Variants in EPHB1 observed in about 807,000 individuals in gnomAD.
EPHB1 encodes the protein EPH receptor B1, also known as ephrin type-B receptor 1.
A neutral mutation model predicts 94.4 loss-of-function variants in EPHB1; 30 were observed. That is an observed-to-expected ratio of 0.32 (90% CI 0.24 to 0.43). The LOEUF is 0.43. EPHB1 is among the 20% of genes least tolerant of loss of function. The pLI, the probability that EPHB1 is intolerant of heterozygous loss-of-function variation, is 1.00. For synonymous variants in EPHB1, 522 were observed against 489.1 expected (o/e 1.07, Z -0.89); for missense variants, 1,055 against 1,308.3 (o/e 0.81, Z 2.99).
At chr3:135,251,262 A>C (rs542753431) in intron 15 of EPHB1, among the ~76,000 whole-genome samples, 1 of 152,224 alleles carries the variant, frequency 6.6e-6, no homozygotes, top group Non-Finnish European at 1.5e-5. Context: ...AGCACTTACC[A>C]GTGGGAAACC....
In EPHB1 at chr3:135,161,849, C is replaced by A. The variant is rs1177825882; in HGVS notation, c.1423-169C>A. Among the ~76,000 whole-genome samples the A allele has an allele frequency of 2.0e-5, 3 of 152,116 alleles. No individual in the cohort carries two copies. The East Asian group carries it at 5.8e-4, about 29-fold the overall frequency. On this transcript the variant is annotated intron_variant, in intron 6 of 15. Transcript: ENST00000398015. ...GACCTGACCCTACATTCCCTTGGCC[C>A]AGATCAGACTTCTTGTCCCCATCCA...
intron 3 of EPHB1, among the ~76,000 whole-genome samples, chr3:135,005,280 G>T (rs1030497965): frequency 6.6e-6 from 1 of 152,198 alleles, no homozygotes; most frequent in African/African-American, 2.4e-5. Context: ...CAGGGGTCAG[G>T]GTCAGGGACC....
chr3:135,045,215 A>G (rs1360179299), intron 3 of EPHB1, among the ~76,000 whole-genome samples: 1 of 152,210 alleles, frequency 6.6e-6, no homozygotes, highest in Non-Finnish European at 1.5e-5. Flanking sequence ...CAGTATTGCA[A>G]TGACACCAAA....
At chr3:134,942,117 G>A (rs1278024003) in intron 2 of EPHB1, among the ~76,000 whole-genome samples, 2 of 152,176 alleles carry the variant, frequency 1.3e-5, no homozygotes, top group East Asian at 3.9e-4. Flanking sequence ...CACAAAGACA[G>A]GTTAGCCTGG....
At chr3:134,814,744 C>CCCAAGTCCCAGGGT (rs1289567510) in intron 1 of EPHB1, among the ~76,000 whole-genome samples, 5 of 152,202 alleles carry the variant, frequency 3.3e-5, no homozygotes, top group Admixed American at 2.6e-4. Flanking sequence ...CTTGTTGCGT[C>CCCAAGTCCCAGGGT]CCAAGTCCCA....
At position 134,961,859 on chromosome 3, in the gene EPHB1, C is replaced by T. The variant is rs114129117; in HGVS notation, c.805+9807C>T. Among the ~76,000 whole-genome samples the T allele has an allele frequency of 2.1e-3, 317 of 152,264 alleles. 2 individuals are homozygous for T. The highest frequency in any genetic ancestry group is 3.6e-3 in the Non-Finnish European group (245 of 68,024). ...TTCTGAACAATGTTGCAACAGATAT[C>T]CTTGTGCATCAGTCTTTGCACCTAT... On this transcript the variant is annotated intron_variant, in intron 3 of 15. Coordinates refer to ENST00000398015, the MANE Select transcript of EPHB1 (RefSeq NM_004441.5).
intron 11 of EPHB1, among the ~76,000 whole-genome samples, chr3:135,193,363 C>G (rs1942512149): frequency 6.6e-6 from 1 of 152,232 alleles, no homozygotes; most frequent in Non-Finnish European, 1.5e-5. Context: ...GATTCCCAAC[C>G]AACTTGCAGC....
Position 135,259,685 on chromosome 3 carries a change from T to C in EPHB1, c.*565T>C, listed in dbSNP as rs1484383957. 1 of 197,710 alleles carries C rather than the reference T, an allele frequency of 5.1e-6. No homozygotes were observed. The highest frequency in any genetic ancestry group is 1.0e-5 in the Non-Finnish European group (1 of 95,254). 12.2% of individuals were successfully genotyped at this position (197,710 alleles called of 1,614,324 possible). The stretch of plus-strand genomic sequence containing the variant: ...GTTGCCAAAGGACTTTGCTGACCAC[T>C]GCATGGGGATCCAACCAATTCAATT... On this transcript the variant is annotated 3_prime_UTR_variant, in exon 16 of 16. Transcript: ENST00000398015.
intron 1 of EPHB1, among the ~76,000 whole-genome samples, chr3:134,895,490 C>T (rs1260782564): frequency 1.3e-5 from 2 of 152,124 alleles, no homozygotes; most frequent in East Asian, 3.8e-4. Context: ...GCATTTTTTC[C>T]ACAAGGAAAA....
intron 6 of EPHB1, among the ~76,000 whole-genome samples, chr3:135,156,505 A>G (rs1941359888): frequency 6.6e-6 from 1 of 152,190 alleles, no homozygotes; most frequent in Non-Finnish European, 1.5e-5. Flanking sequence ...TAACCACTCT[A>G]GGTCACAGTT....
chr3:135,131,448 A>G (rs1334373932), intron 4 of EPHB1, among the ~76,000 whole-genome samples: 1 of 152,118 alleles, frequency 6.6e-6, no homozygotes, highest in Non-Finnish European at 1.5e-5. Context: ...GGTGACAGTC[A>G]CGTGCATGAA....
chr3:134,891,681 T>A (rs1000478110), intron 1 of EPHB1, among the ~76,000 whole-genome samples: 1 of 152,238 alleles, frequency 6.6e-6, no homozygotes, highest in Non-Finnish European at 1.5e-5. Context: ...TTTTACTTTG[T>A]CCTTCAGTGT....
intron 3 of EPHB1, among the ~76,000 whole-genome samples, chr3:135,013,655 G>A (rs1339258131): frequency 6.6e-6 from 1 of 152,132 alleles, no homozygotes; most frequent in Non-Finnish European, 1.5e-5. Flanking sequence ...GCCCAGCTTG[G>A]AACAACTTAG....
intron 4 of EPHB1, among the ~76,000 whole-genome samples, chr3:135,130,061 A>T (rs1035404165): frequency 1.3e-5 from 2 of 152,008 alleles, no homozygotes; most frequent in Non-Finnish European, 2.9e-5. Context: ...GAACGCTATG[A>T]CTCCATGTGC....
At chr3:134,799,407 T>C (rs748463992) in intron 1 of EPHB1, among the ~76,000 whole-genome samples, 1 of 152,208 alleles carries the variant, frequency 6.6e-6, no homozygotes, top group Non-Finnish European at 1.5e-5. Flanking sequence ...AAAAGCAAAT[T>C]TGAGAAAATT....
chr3:134,955,614 A>G (rs1388570131), intron 3 of EPHB1, among the ~76,000 whole-genome samples: 1 of 107,362 alleles, frequency 9.3e-6, no homozygotes, highest in Non-Finnish European at 1.9e-5. Context: ...CAGCCATCCC[A>G]TTACTGGGTA....
intron 3 of EPHB1, among the ~76,000 whole-genome samples, chr3:135,029,304 G>C (rs1442969839): frequency 5.9e-5 from 9 of 151,936 alleles, no homozygotes; most frequent in Admixed American, 5.9e-4. Flanking sequence ...AGTTGATGCA[G>C]TTTCTTCCTA....
intron 3 of EPHB1, among the ~76,000 whole-genome samples, chr3:134,981,676 C>T (rs1934407320): frequency 2.6e-5 from 4 of 152,158 alleles, no homozygotes; most frequent in Admixed American, 2.6e-4. Context: ...TGCATCTGTG[C>T]ACCCACCCAC....
At chr3:135,195,317 G>A (rs1942568621) in intron 11 of EPHB1, among the ~76,000 whole-genome samples, 1 of 151,534 alleles carries the variant, frequency 6.6e-6, no homozygotes, top group Non-Finnish European at 1.5e-5. Flanking sequence ...CTCTTCCTAG[G>A]GCCTGTTTTC....
Sources: allele counts gnomAD v4.1 joint callset (sites outside exome capture counted in the v4.1 genomes callset), GRCh38; gene constraint gnomAD v4.1.1; transcripts MANE v1.5; gene names NCBI Gene and HGNC (gene_info 2026-07-23, HGNC 2026-07-21).